The following HCFC2 variants were observed in gnomAD, a reference collection of about 807,000 sequenced individuals.
The protein encoded by HCFC2 is host cell factor 2.
HCFC2 carries 18 observed loss-of-function variants against 89.2 expected under a neutral mutation model. The observed-to-expected ratio is 0.20, with a 90% CI of 0.14 to 0.30. The LOEUF (loss-of-function observed/expected upper bound fraction) is 0.30, where lower values mean the gene tolerates loss of function less well. Ranked by LOEUF, HCFC2 falls within the 10% of genes least tolerant of loss-of-function variation. The pLI is 1.00. For missense variants in HCFC2, 578 were observed against 956.1 expected (o/e 0.60, Z 5.21); for synonymous variants, 308 against 335.7 (o/e 0.92, Z 0.90).
chr12:104,064,866 G>C lies in HCFC2; in HGVS notation c.163+143G>C. The C allele has an allele frequency of 1.5e-6, 1 of 680,778 alleles. No homozygotes were observed. Among genetic ancestry groups the C allele is most frequent in the African/African-American group, 1.9e-5 (1 of 52,032 alleles). 42.2% of individuals were successfully genotyped at this position (680,778 alleles called of 1,614,324 possible). On this transcript the variant is annotated intron_variant, in intron 1 of 14. Transcript: ENST00000229330. This position sits in a 1 kb window ranked among gnomAD's most constrained non-coding sequence, Gnocchi z 7.3. ...GGCGGCGGGGAGCGCGGCTCAGCCG[G>C]GCAGCCCGGGTCCGGCAGCTCTGTC...
chr12:104,081,460 A>G (rs1004788722), intron 5 of HCFC2, among the ~76,000 whole-genome samples: 1 of 152,242 alleles, frequency 6.6e-6, no homozygotes, highest in Non-Finnish European at 1.5e-5. Context: ...ACTACCATCA[A>G]CAAATTCCCT....
Position 104,103,937 on chromosome 12 carries a change from A to G in HCFC2, c.*664A>G, listed in dbSNP as rs1476995037. 3 of 152,060 alleles carry G rather than the reference A, an allele frequency of 2.0e-5. No homozygotes were observed. Among genetic ancestry groups the G allele is most frequent in the African/African-American group, 7.2e-5 (3 of 41,438 alleles). 9.4% of individuals were successfully genotyped at this position (152,060 alleles called of 1,614,324 possible). A position where few individuals can be genotyped will look rare whatever the true frequency, so the allele number is the denominator to read the frequency against. ...TTCTTGATTCTTACCAGGCCAATAT[A>G]TTTGAATATATTTTTGGCCAAAGCA... On this transcript the variant is annotated 3_prime_UTR_variant, in exon 15 of 15. Transcript: ENST00000229330.
At chr12:104,099,667 T>G (rs1237818797) in intron 13 of HCFC2, among the ~76,000 whole-genome samples, 1 of 152,012 alleles carries the variant, frequency 6.6e-6, no homozygotes, top group Non-Finnish European at 1.5e-5. Context: ...GTTTTTTGTT[T>G]GTTTGTTTGT....
chr12:104,097,726 C>A, intron 12 of HCFC2: 1 of 672,982 alleles, frequency 1.5e-6, no homozygotes, highest in Non-Finnish European at 1.8e-6. Flanking sequence ...TCACTTACCA[C>A]TAAAAGTAGC....
At chr12:104,096,087 A>G (rs1884167733) in intron 11 of HCFC2, among the ~76,000 whole-genome samples, 1 of 152,152 alleles carries the variant, frequency 6.6e-6, no homozygotes, top group African/African-American at 2.4e-5. Flanking sequence ...TTTAGTGAAC[A>G]TTCTCTGAAG....
chr12:104,077,064 G>C (rs1251683156), intron 3 of HCFC2, among the ~76,000 whole-genome samples: 1 of 152,118 alleles, frequency 6.6e-6, no homozygotes, highest in Admixed American at 6.6e-5. Flanking sequence ...TCTGTGAACT[G>C]TCAGTTTATA....
At chr12:104,094,218 G>A (rs1340878766) in intron 10 of HCFC2, among the ~76,000 whole-genome samples, 3 of 152,170 alleles carry the variant, frequency 2.0e-5, no homozygotes, top group South Asian at 2.1e-4. Context: ...TAGGCCTGGA[G>A]TCTAGAAGGC....
intron 13 of HCFC2, among the ~76,000 whole-genome samples, chr12:104,098,823 A>G (rs1215853924): frequency 1.3e-5 from 2 of 152,050 alleles, no homozygotes; most frequent in Non-Finnish European, 2.9e-5. Flanking sequence ...ACACGGTGAA[A>G]CCCCGTCCCT....
chr12:104,097,733 T>G, intron 12 of HCFC2: 1 of 595,572 alleles, frequency 1.7e-6, no homozygotes, highest in Non-Finnish European at 2.1e-6. Context: ...CCACTAAAAG[T>G]AGCTTAAGGT....
chr12:104,067,944 T>A lies in HCFC2; in HGVS notation c.313-3T>A, dbSNP rs770855767. ...ACTGTATTTGTGCCCTTTTTTTTTT[T>A]AGGCAAGTCGTTGGTTATGGAAAAA... On this transcript the variant is annotated splice_polypyrimidine_tract_variant and splice_region_variant and intron_variant, in intron 2 of 14. Coordinates refer to ENST00000229330, the MANE Select transcript of HCFC2 (RefSeq NM_013320.3). 3.2e-4 allele frequency: 499 copies of A among 1,572,292 alleles called. 1 individual carries two copies. Among genetic ancestry groups the A allele is most frequent in the Non-Finnish European group, 4.0e-4 (471 of 1,167,118 alleles).
chr12:104,094,328 G>C (rs574057687), intron 10 of HCFC2, among the ~76,000 whole-genome samples: 1 of 152,220 alleles, frequency 6.6e-6, no homozygotes, highest in African/African-American at 2.4e-5. Flanking sequence ...TAGATTCCTA[G>C]CACCTGGTAC....
At chr12:104,085,760 G>A (rs1883818061) in intron 7 of HCFC2, among the ~76,000 whole-genome samples, 2 of 151,404 alleles carry the variant, frequency 1.3e-5, no homozygotes, top group Admixed American at 6.6e-5. Flanking sequence ...ATGTAAAAGA[G>A]TAATAGAATT....
Position 104,103,503 on chromosome 12 carries a change from T to C in HCFC2, c.*230T>C, listed in dbSNP as rs2030010251. 5 of 462,526 alleles carry C rather than the reference T, an allele frequency of 1.1e-5. 1 individual carries two copies. In the South Asian group the frequency reaches 1.7e-4, roughly 16 times the overall value. 28.7% of individuals were successfully genotyped at this position (462,526 alleles called of 1,614,324 possible). ...GTTCTTCCTTACAGATATAGCTCTT[T>C]TATAAAGAAAAACAGTGAAATTAAG... On this transcript the variant is annotated 3_prime_UTR_variant, in exon 15 of 15. Transcript: ENST00000229330.
rs115170695 is a variant in HCFC2 at position 104,093,026 on chromosome 12, C to T, written c.1285-360C>T. On this transcript the variant is annotated intron_variant, in intron 9 of 14. Transcript: ENST00000229330. The stretch of plus-strand genomic sequence containing the variant: ...GTTATCATATTTTTAGGATACATGT[C>T]TGCCCTTTAAGAAAATTTGACCAGA... 4.4e-3 allele frequency among the ~76,000 whole-genome samples: 670 copies of T among 152,196 alleles called. 8 individuals are homozygous for T. Among genetic ancestry groups the T allele is most frequent in the African/African-American group, 0.015 (633 of 41,520 alleles).
At chr12:104,077,117 T>G (rs749506784) in intron 3 of HCFC2, among the ~76,000 whole-genome samples, 3 of 152,218 alleles carry the variant, frequency 2.0e-5, no homozygotes, top group Non-Finnish European at 4.4e-5. Flanking sequence ...ATTATCTGGA[T>G]TTTTAGGAAA....
intron 7 of HCFC2, among the ~76,000 whole-genome samples, chr12:104,084,025 C>A (rs1380474179): frequency 6.6e-6 from 1 of 152,100 alleles, no homozygotes; most frequent in African/African-American, 2.4e-5. Flanking sequence ...AAGACCCCAT[C>A]TCGAAAGGGG....
At chr12:104,074,477 C>G (rs1018944437) in intron 3 of HCFC2, among the ~76,000 whole-genome samples, 1 of 152,110 alleles carries the variant, frequency 6.6e-6, no homozygotes, top group African/African-American at 2.4e-5. Context: ...TCTTAAATTT[C>G]CAGCTTACTA....
At chr12:104,069,372 ATGT>A (rs1883249401) in intron 3 of HCFC2, among the ~76,000 whole-genome samples, 1 of 152,076 alleles carries the variant, frequency 6.6e-6, no homozygotes, top group Non-Finnish European at 1.5e-5. Flanking sequence ...TGTAGTCCTC[ATGT>A]TGTACATTAG....
Position 104,095,544 on chromosome 12 carries a change from A to G in HCFC2, c.1647A>G (p.Thr549=), listed in dbSNP as rs1475131272. The G allele has an allele frequency of 1.9e-6, 3 of 1,612,802 alleles. No individual in the cohort carries two copies. Among genetic ancestry groups the G allele is most frequent in the Non-Finnish European group, 2.5e-6 (3 of 1,178,886 alleles). Residue 549 remains threonine, a synonymous_variant, in exon 11 of 15, where the codon ACA becomes ACG. Transcript: ENST00000229330. This position sits in a 1 kb window ranked among gnomAD's most constrained non-coding sequence, Gnocchi z 4.2. ...AVVKDETSLT[T]FSTKSEVDET... ...TTAAAGATGAAACTTCACTAACAAC[A>G]TTCAGTACCAAATCTGAAGGTTTGA...
Sources: gnomAD v4.1 joint callset for allele counts (sites outside exome capture counted in the v4.1 genomes callset) on GRCh38, gnomAD v4.1.1 for gene constraint, Gnocchi (gnomAD v3.1) non-coding constraint, MANE v1.5 for transcripts, NCBI Gene and HGNC (gene_info 2026-07-23, HGNC 2026-07-21) for gene names.